The following PHGDH variants were observed in gnomAD, a reference collection of about 807,000 sequenced individuals.
The protein encoded by PHGDH is D-3-phosphoglycerate dehydrogenase.
In PHGDH, 50 loss-of-function variants were observed where a neutral mutation model predicts 52.6. The ratio of observed to expected loss-of-function variants is 0.95; its 90% CI spans 0.76 to 1.20. PHGDH has a LOEUF of 1.20. PHGDH is among the 50% of genes most tolerant of loss of function. PHGDH has a pLI of 0.00. For synonymous variants in PHGDH, 271 were observed against 280.5 expected (o/e 0.97, Z 0.34); for missense variants, 630 against 684.6 (o/e 0.92, Z 0.89).
At chr1:119,712,238 C>T in intron 1 of PHGDH, 78 bp downstream of exon 1, 2 of 1,368,472 alleles carry the variant, frequency 1.5e-6, no homozygotes, top group East Asian at 2.4e-5. Context: ...GGCCAGCGCG[C>T]CCCCCTCGCA....
chr1:119,734,657 T>C lies in PHGDH; in HGVS notation c.534T>C (p.Ile178=), dbSNP rs1467975689. The part of the protein sequence containing the change: ...GMKTIGYDPI[I]SPEVSASFGV... ...AGACTATAGGGTATGACCCCATCAT[T>C]TCCCCAGAGGTCTCGGCCTCCTTTG... is the stretch of plus-strand genomic sequence containing the variant. Residue 178 remains isoleucine (I), a synonymous_variant, in exon 6 of 12, where the codon ATT becomes ATC. Transcript: ENST00000641023. The C allele has an allele frequency of 5.0e-6, 8 of 1,614,062 alleles. No individual in the cohort carries two copies. The highest frequency in any genetic ancestry group is 6.8e-6 in the Non-Finnish European group (8 of 1,179,996).
Position 119,712,104 on chromosome 1 carries a change from C to T in PHGDH, c.82C>T (p.Leu28=). ...CCGGAAGATCTTGCAAGATGGAGGGCTGCAGGTGGTGGAAAAGCAGAACCT... is the reference window on the plus strand; with the variant it reads ...CCGGAAGATCTTGCAAGATGGAGGGTTGCAGGTGGTGGAAAAGCAGAACCT... ...CCRKILQDGG[L]QVVEKQNLSK... is the part of the protein sequence containing the mutation. Residue 28 remains leucine (L), a synonymous_variant, in exon 1 of 12, where the codon CTG becomes TTG. Transcript: ENST00000641023. 6.2e-7 allele frequency: 1 copy of T among 1,613,996 alleles called. No individual in the cohort carries two copies. Among genetic ancestry groups the T allele is most frequent in the Non-Finnish European group, 8.5e-7 (1 of 1,179,868 alleles).
At chr1:119,735,511 G>C in intron 7 of PHGDH, 68 bp downstream of exon 7, 1 of 1,491,140 alleles carries the variant, frequency 6.7e-7, no homozygotes. Flanking sequence ...CCATGGCAGG[G>C]AAAGCCTGGC....
rs1302054606 is a variant in PHGDH, at chr1:119,726,907, T to C, written c.411+2T>C. On this transcript the variant is annotated splice_donor_variant, in intron 4 of 11. Transcript: ENST00000641023. LOFTEE classifies it high-confidence loss of function. The stretch of plus-strand genomic sequence containing the variant: ...GACGGCAAATGGGAGCGGAAGAAGG[T>C]GAGCAGCGGCCTTGACTCGCCCCAC... The C allele has an allele frequency of 6.2e-7, 1 of 1,614,066 alleles. No individual in the cohort carries two copies. Among genetic ancestry groups the C allele is most frequent in the Non-Finnish European group, 8.5e-7 (1 of 1,179,918 alleles).
At chr1:119,740,770 T>C (rs1022798814) in intron 9 of PHGDH, among the ~76,000 whole-genome samples, 1 of 152,100 alleles carries the variant, frequency 6.6e-6, no homozygotes, top group Non-Finnish European at 1.5e-5. Flanking sequence ...CCTAGATATT[T>C]TGGGTGCAAG....
intron 10 of PHGDH, chr1:119,742,436 T>G (rs1374555339): frequency 2.3e-6 from 1 of 436,438 alleles, no homozygotes; most frequent in Non-Finnish European, 4.3e-6. Context: ...TCTGCTCCCC[T>G]CCACTCCTGC....
chr1:119,729,024 G>C (rs796646739), intron 5 of PHGDH, among the ~76,000 whole-genome samples: 1 of 152,176 alleles, frequency 6.6e-6, no homozygotes, highest in Non-Finnish European at 1.5e-5. Flanking sequence ...GTAGCCTAGA[G>C]CCTGGTGAGC....
intron 7 of PHGDH, 52 bp from the exon 8 acceptor site, chr1:119,737,062 A>G: frequency 6.3e-7 from 1 of 1,596,470 alleles, no homozygotes; most frequent in Middle Eastern, 1.9e-4. Context: ...GTGGCCCAAG[A>G]GGGTGTGGCC....
chr1:119,724,463 T>C (rs1651309056), intron 3 of PHGDH: 1 of 328,686 alleles, frequency 3.0e-6, no homozygotes, highest in African/African-American at 2.2e-5. Context: ...TTCACTGATA[T>C]TCACTGGTAG....
chr1:119,727,725 T>C (rs1259469928), intron 5 of PHGDH: 1 of 153,436 alleles, frequency 6.5e-6, no homozygotes, highest in Admixed American at 6.4e-5. Flanking sequence ...TCCCAGCTAC[T>C]TGGGAGGCTG....
chr1:119,737,102 C>T lies in PHGDH; in HGVS notation c.793-12C>T. 4.3e-6 allele frequency: 7 copies of T among 1,613,816 alleles called. No homozygotes were observed. Among genetic ancestry groups the T allele is most frequent in the Non-Finnish European group, 5.9e-6 (7 of 1,179,864 alleles). Reference sequence around the variant, plus strand: ...CATGGCAGCCAACTTAGAGGTATCTCTTTCTGGGCAGGAGCCGCCACGGGA... The same window carrying T: ...CATGGCAGCCAACTTAGAGGTATCTTTTTCTGGGCAGGAGCCGCCACGGGA... On this transcript the variant is annotated splice_polypyrimidine_tract_variant and intron_variant, in intron 7 of 11. Coordinates refer to ENST00000641023, the MANE Select transcript of PHGDH (RefSeq NM_006623.4).
intron 8 of PHGDH, among the ~76,000 whole-genome samples, chr1:119,737,561 T>C (rs1170433559): frequency 2.0e-5 from 3 of 152,156 alleles, no homozygotes; most frequent in African/African-American, 7.2e-5. Flanking sequence ...GGCTCCTTTG[T>C]TCTCCACATG....
In PHGDH at chr1:119,735,323, G is replaced by T. The variant is rs1651882140; in HGVS notation, c.672G>T (p.Gln224His). The T allele has an allele frequency of 6.2e-7, 1 of 1,614,238 alleles. No individual in the cohort carries two copies. Among genetic ancestry groups the T allele is most frequent in the Non-Finnish European group, 8.5e-7 (1 of 1,180,052 alleles). The part of the protein sequence containing the change: ...TGLLNDNTFA[Q>H]CKKGVRVVNC... ...TGCTGAATGACAACACCTTTGCCCA[G>T]TGCAAGAAGGGGGTGCGTGTGGTGA... The change falls in exon 7 of 12, where the codon CAG (glutamine) becomes CAT (histidine). Residue 224 changes from glutamine (Q) to histidine (H), a missense_variant. Coordinates refer to ENST00000641023, the MANE Select transcript of PHGDH (RefSeq NM_006623.4).
At chr1:119,741,337 A>C (rs1002157247) in intron 9 of PHGDH, among the ~76,000 whole-genome samples, 2 of 152,196 alleles carry the variant, frequency 1.3e-5, no homozygotes, top group African/African-American at 4.8e-5. Flanking sequence ...GCGCCGAAGG[A>C]AACAAGGCAG....
chr1:119,733,766 C>T (rs1357576433), intron 5 of PHGDH, among the ~76,000 whole-genome samples: 2 of 152,014 alleles, frequency 1.3e-5, no homozygotes, highest in African/African-American at 4.8e-5. Context: ...CAGAGACAAC[C>T]GCTGTTAAAG....
chr1:119,734,276 T>C (rs1651833592), intron 5 of PHGDH: 2 of 359,448 alleles, frequency 5.6e-6, no homozygotes, highest in East Asian at 7.2e-5. Context: ...TGAGCTATTG[T>C]TGCATCTGTG....
intron 6 of PHGDH, 41 bp from the exon 7 acceptor site, chr1:119,735,254 C>A (rs1651878900): frequency 1.2e-6 from 2 of 1,613,620 alleles, no homozygotes; most frequent in African/African-American, 2.7e-5. Flanking sequence ...CGTGGGGATC[C>A]TGGTGCTGCC....
At chr1:119,726,567 C>A (rs1216831932) in intron 3 of PHGDH, 7 of 537,602 alleles carry the variant, frequency 1.3e-5, no homozygotes, top group Non-Finnish European at 2.3e-5. Context: ...AAGTAAAAAA[C>A]TCACTCTGGT....
At chr1:119,712,192 AG>A in intron 1 of PHGDH, 32 bp downstream of exon 1, 1 of 1,604,072 alleles carries the variant, frequency 6.2e-7, no homozygotes, top group South Asian at 1.1e-5. Context: ...TGAGGTCTCT[AG>A]GGCAACCTCC....
Sources: gnomAD v4.1 joint callset for allele counts (sites outside exome capture counted in the v4.1 genomes callset) on GRCh38, gnomAD v4.1.1 for gene constraint, MANE v1.5 for transcripts, NCBI Gene and HGNC (gene_info 2026-07-23, HGNC 2026-07-21) for gene names.